Variants in INA observed in about 807,000 individuals in gnomAD.
INA encodes internexin neuronal intermediate filament protein alpha.
In INA, 35 loss-of-function variants were observed where a neutral mutation model predicts 40.1. The observed-to-expected ratio is 0.87, with a 90% CI of 0.67 to 1.16. The LOEUF is 1.16. Ranked by LOEUF, INA falls within the 50% of genes most tolerant of loss-of-function variation. The pLI is 0.00. For synonymous variants in INA, 290 were observed against 316.9 expected, an observed-to-expected ratio of 0.92 and a Z score of 0.90; for missense variants, 594 against 686.7, an observed-to-expected ratio of 0.87 and a Z score of 1.51.
chr10:103,289,046 A>G lies in INA; in HGVS notation c.*377A>G, dbSNP rs1467351044. 1 of 158,852 alleles carries G rather than the reference A, an allele frequency of 6.3e-6. No individual in the cohort carries two copies. Among genetic ancestry groups the G allele is most frequent in the Non-Finnish European group, 1.4e-5 (1 of 72,510 alleles). The allele number at this position is 158,852 out of a possible 1,614,324, so 9.8% of individuals were successfully genotyped here. A position where few individuals can be genotyped will look rare whatever the true frequency, so the allele number is the denominator to read the frequency against. Reference sequence around the variant, plus strand: ...TACCCAGCCATTACCCAGCTAAATAATCTTACTCTAGATACCTAAAACATA... The same window carrying G: ...TACCCAGCCATTACCCAGCTAAATAGTCTTACTCTAGATACCTAAAACATA... On this transcript the variant is annotated 3_prime_UTR_variant, in exon 3 of 3. Transcript: ENST00000369849.
At position 103,278,127 on chromosome 10, in the gene INA, C is replaced by T. The variant is rs1257423129; in HGVS notation, c.916C>T (p.Arg306Trp). The change falls in exon 1 of 3, where the codon CGG becomes TGG. Residue 306 changes from arginine (R) to tryptophan (W), a missense_variant. Transcript: ENST00000369849. This position sits in a 1 kb window ranked among gnomAD's most constrained non-coding sequence, Gnocchi z 4.9. The part of the protein sequence containing the change: ...EQAARSTEAI[R>W]ASREEIHEYR... ...GGCGGCGCGCAGCACCGAGGCCATCCGGGCCAGCCGCGAGGAGATCCACGA... is the reference window on the plus strand; with the variant it reads ...GGCGGCGCGCAGCACCGAGGCCATCTGGGCCAGCCGCGAGGAGATCCACGA... 5 of 1,612,718 alleles carry T rather than the reference C, an allele frequency of 3.1e-6. No homozygotes were observed. Among genetic ancestry groups the T allele is most frequent in the South Asian group, 2.2e-5 (2 of 91,074 alleles).
At chr10:103,282,226 G>C (rs1423127860) in intron 1 of INA, among the ~76,000 whole-genome samples, 2 of 152,152 alleles carry the variant, frequency 1.3e-5, no homozygotes, top group African/African-American at 4.8e-5. Context: ...CATCTGTCTA[G>C]AACTCAGCTC....
intron 1 of INA, chr10:103,279,960 T>C (rs1295910315): frequency 7.8e-7 from 1 of 1,289,536 alleles, no homozygotes; most frequent in Non-Finnish European, 1.0e-6. Flanking sequence ...AAGTACGAGC[T>C]AGGTGGTCTT....
In INA at chr10:103,277,731, G is replaced by A; in HGVS notation, c.520G>A (p.Glu174Lys). The A allele has an allele frequency of 2.1e-6, 3 of 1,408,244 alleles. No individual in the cohort carries two copies. Among genetic ancestry groups the A allele is most frequent in the South Asian group, 1.6e-5 (1 of 63,148 alleles). 87.2% of individuals were successfully genotyped at this position (1,408,244 alleles called of 1,614,324 possible). A position where few individuals can be genotyped will look rare whatever the true frequency, so the allele number is the denominator to read the frequency against. The change falls in exon 1 of 3, where the codon GAG (glutamate) becomes AAG (lysine). Residue 174 changes from glutamate (E) to lysine (K), a missense_variant. By Grantham distance (56) the Glu-to-Lys change is moderately conservative (BLOSUM62 1). Coordinates refer to ENST00000369849, the MANE Select transcript of INA (RefSeq NM_032727.4). This position sits in a 1 kb window ranked among gnomAD's most constrained non-coding sequence, Gnocchi z 5.6. ...ALLERDGLAEEVQRLRARCEE... is the reference protein window; with the variant it reads ...ALLERDGLAEKVQRLRARCEE... ...GCTGGAGCGCGACGGGCTGGCGGAG[G>A]AGGTGCAGCGGCTGCGGGCGCGCTG...
In INA at chr10:103,288,376, G is replaced by A. The variant is rs761334107; in HGVS notation, c.1207G>A (p.Glu403Lys). 2 of 1,599,074 alleles carry A rather than the reference G, an allele frequency of 1.3e-6. No homozygotes were observed. Among genetic ancestry groups the A allele is most frequent in the African/African-American group, 1.4e-5 (1 of 73,616 alleles). Residue 403 changes from glutamate to lysine, a missense_variant, in exon 3 of 3, where the codon GAG becomes AAG. This residue lies in a region of INA where 379 missense variants were observed against 496.1 expected (regional missense o/e 0.76). Transcript: ENST00000369849. ...IAAYRKLLEGEETRFSTSGLS... is the reference protein window; with the variant it reads ...IAAYRKLLEGKETRFSTSGLS... The stretch of plus-strand genomic sequence containing the variant: ...AATTTACAGGAAACTGCTGGAAGGC[G>A]AGGAGACACGTTTTAGCACCAGTGG...
At chr10:103,285,203 C>T (rs1450193001) in intron 1 of INA, among the ~76,000 whole-genome samples, 7 of 152,060 alleles carry the variant, frequency 4.6e-5, no homozygotes, top group African/African-American at 9.7e-5. Flanking sequence ...TGGCTGGTCT[C>T]GAACTCCCAA....
chr10:103,277,875 G>A lies in INA; in HGVS notation c.664G>A (p.Asp222Asn), dbSNP rs770319606. The A allele has an allele frequency of 6.5e-7, 1 of 1,549,632 alleles. No individual in the cohort carries two copies. The highest frequency in any genetic ancestry group is 1.4e-5 in the African/African-American group (1 of 73,054). The stretch of plus-strand genomic sequence containing the variant: ...GGAGAAGAAGGTGGAGTCGCTGCTG[G>A]ACGAGCTGGCCTTCGTACGCCAGGT... ...DLEKKVESLL[D>N]ELAFVRQVHD... Residue 222 changes from aspartate (D) to asparagine (N), a missense_variant, in exon 1 of 3, where the codon GAC becomes AAC. Physicochemically the swap from Asp to Asn is conservative, Grantham distance 23. Around this residue, in one of 2 missense-constraint regions of INA, gnomAD observed 379 missense variants for 496.1 expected, o/e 0.76. Transcript: ENST00000369849. This position sits in a 1 kb window ranked among gnomAD's most constrained non-coding sequence, Gnocchi z 5.6.
At chr10:103,285,705 C>T (rs990208868) in intron 1 of INA, among the ~76,000 whole-genome samples, 1 of 150,672 alleles carries the variant, frequency 6.6e-6, no homozygotes, top group Admixed American at 6.6e-5. Flanking sequence ...GCAACCTCCC[C>T]CTCCTGGGTT....
chr10:103,280,299 C>A, intron 1 of INA: 2 of 985,424 alleles, frequency 2.0e-6, no homozygotes, highest in Non-Finnish European at 2.4e-6. Flanking sequence ...CAACAGAGAG[C>A]TGGTTCCCTA....
Position 103,289,092 on chromosome 10 carries a change from C to G in INA, c.*423C>G. The G allele has an allele frequency of 6.4e-6, 1 of 155,482 alleles. No individual in the cohort carries two copies. Among genetic ancestry groups the G allele is most frequent in the Non-Finnish European group, 1.4e-5 (1 of 70,106 alleles). The allele number at this position is 155,482 out of a possible 1,614,324, so 9.6% of individuals were successfully genotyped here. ...ACATAAGATCACTGCCAGAGATAAA[C>G]TAATGGTCCACACCCAATTCCACTC... On this transcript the variant is annotated 3_prime_UTR_variant, in exon 3 of 3. Transcript: ENST00000369849.
At chr10:103,284,754 G>A (rs1399356408) in intron 1 of INA, among the ~76,000 whole-genome samples, 5 of 147,068 alleles carry the variant, frequency 3.4e-5, no homozygotes, top group Non-Finnish European at 4.5e-5. Context: ...ACTCCATCTC[G>A]GAAAAAAAAA....
Position 103,278,105 on chromosome 10 carries a change from G to T in INA, c.894G>T (p.Ala298=). 2 of 1,613,350 alleles carry T rather than the reference G, an allele frequency of 1.2e-6. No homozygotes were observed. Among genetic ancestry groups the T allele is most frequent in the Non-Finnish European group, 1.7e-6 (2 of 1,179,904 alleles). Residue 298 remains alanine (A), a synonymous_variant, in exon 1 of 3, where the codon GCG becomes GCT. Coordinates refer to ENST00000369849, the MANE Select transcript of INA (RefSeq NM_032727.4). This position sits in a 1 kb window ranked among gnomAD's most constrained non-coding sequence, Gnocchi z 4.9. ...AGTTTGCCAACCTGAACGAGCAGGC[G>T]GCGCGCAGCACCGAGGCCATCCGGG... ...KSKFANLNEQ[A]ARSTEAIRAS... is the part of the protein sequence containing the mutation.
At position 103,277,818 on chromosome 10, in the gene INA, G is replaced by A. The variant is rs776703258; in HGVS notation, c.607G>A (p.Val203Met). The change falls in exon 1 of 3, where the codon GTG becomes ATG. Residue 203 changes from valine to methionine, a missense_variant. Coordinates refer to ENST00000369849, the MANE Select transcript of INA (RefSeq NM_032727.4). The surrounding 1 kb of genome is among the most constrained non-coding windows in gnomAD (Gnocchi z 5.6). ...ERALKAQQRD[V>M]DGATLARLDL... ...CGCCCTGAAGGCGCAGCAGCGCGAC[G>A]TGGACGGCGCCACGCTGGCCCGCCT... 1.3e-5 allele frequency: 20 copies of A among 1,538,724 alleles called. No homozygotes were observed. In the South Asian group the frequency reaches 1.3e-4, roughly 10 times the overall value.
chr10:103,277,650 C>G lies in INA; in HGVS notation c.439C>G (p.Leu147Val). ...SRVGELFQRE[L>V]RDLRAQLEEA... ...CGTCGGCGAGCTCTTCCAGCGCGAG[C>G]TGCGCGACCTGCGCGCGCAGCTGGA... Residue 147 changes from leucine (L) to valine (V), a missense_variant, in exon 1 of 3, where the codon CTG becomes GTG. By Grantham distance (32) the Leu-to-Val change is conservative (BLOSUM62 1). Around this residue, in one of 2 missense-constraint regions of INA, gnomAD observed 379 missense variants for 496.1 expected, o/e 0.76. Coordinates refer to ENST00000369849, the MANE Select transcript of INA (RefSeq NM_032727.4). The surrounding 1 kb of genome is among the most constrained non-coding windows in gnomAD (Gnocchi z 5.6). 3 of 1,391,544 alleles carry G rather than the reference C, an allele frequency of 2.2e-6. No individual in the cohort carries two copies. Among genetic ancestry groups the G allele is most frequent in the African/African-American group, 1.5e-5 (1 of 65,768 alleles). The allele number at this position is 1,391,544 out of a possible 1,614,324, so 86.2% of individuals were successfully genotyped here.
At position 103,277,526 on chromosome 10, in the gene INA, C is replaced by A; in HGVS notation, c.315C>A (p.Phe105Leu). 3 of 1,586,386 alleles carry A rather than the reference C, an allele frequency of 1.9e-6. No individual in the cohort carries two copies. Among genetic ancestry groups the A allele is most frequent in the Non-Finnish European group, 2.6e-6 (3 of 1,170,150 alleles). ...AGCTGCAGGGCCTCAACGACCGCTT[C>A]GCCGTGTTCATCGAGAAGGTGCATC... Reference protein sequence around the residue: ...KEQLQGLNDRFAVFIEKVHQL... With the variant: ...KEQLQGLNDRLAVFIEKVHQL... Residue 105 changes from phenylalanine (F) to leucine (L), a missense_variant, in exon 1 of 3, where the codon TTC (phenylalanine) becomes TTA (leucine). Transcript: ENST00000369849. The surrounding 1 kb of genome is among the most constrained non-coding windows in gnomAD (Gnocchi z 5.6).
intron 1 of INA, among the ~76,000 whole-genome samples, chr10:103,285,681 G>A (rs1004604640): frequency 1.1e-4 from 16 of 145,768 alleles, no homozygotes; most frequent in South Asian, 1.1e-3. Flanking sequence ...GCAGTGGCGC[G>A]ATCTCGTCTC....
rs1186720856 is a variant in INA at position 103,278,984 on chromosome 10, G to C, written c.1065+708G>C. ...TTTCCTCCTTAAGAAAGCGTTCGCC[G>C]GTTGGCAAAACGTGAAAGGTCGGGG... On this transcript the variant is annotated intron_variant, in intron 1 of 2. Coordinates refer to ENST00000369849, the MANE Select transcript of INA (RefSeq NM_032727.4). The surrounding 1 kb of genome is among the most constrained non-coding windows in gnomAD (Gnocchi z 4.9). Among the ~76,000 whole-genome samples, 2 of 150,830 alleles carry C rather than the reference G, an allele frequency of 1.3e-5. No homozygotes were observed. Among genetic ancestry groups the C allele is most frequent in the Non-Finnish European group, 2.9e-5 (2 of 67,856 alleles).
intron 1 of INA, among the ~76,000 whole-genome samples, chr10:103,284,869 G>C (rs983418739): frequency 6.6e-6 from 1 of 152,200 alleles, no homozygotes; most frequent in Non-Finnish European, 1.5e-5. Context: ...GCATGGGCCA[G>C]TAGCTGCTCT....
chr10:103,277,404 G>A lies in INA; in HGVS notation c.193G>A (p.Ala65Thr). 1.9e-6 allele frequency: 3 copies of A among 1,558,720 alleles called. No individual in the cohort carries two copies. Among genetic ancestry groups the A allele is most frequent in the Non-Finnish European group, 2.6e-6 (3 of 1,158,972 alleles). The change falls in exon 1 of 3, where the codon GCC becomes ACC. Residue 65 changes from alanine (A) to threonine (T), a missense_variant. Physicochemically the swap from Ala to Thr is moderately conservative, Grantham distance 58. Transcript: ENST00000369849. This position sits in a 1 kb window ranked among gnomAD's most constrained non-coding sequence, Gnocchi z 5.6. Reference sequence around the variant, plus strand: ...GGCCTCGTCGCTCGGCCTCGGCCTGGCCTATCGCCGGCCGCCGGCGTCCGA... The same window carrying A: ...GGCCTCGTCGCTCGGCCTCGGCCTGACCTATCGCCGGCCGCCGGCGTCCGA... ...SSASSLGLGL[A>T]YRRPPASDGL...
Sources: allele counts gnomAD v4.1 joint callset (sites outside exome capture counted in the v4.1 genomes callset), GRCh38; gene constraint gnomAD v4.1.1; regional missense constraint gnomAD v4.1.1; non-coding constraint Gnocchi (gnomAD v3.1); transcripts MANE v1.5; gene names NCBI Gene and HGNC (gene_info 2026-07-23, HGNC 2026-07-21).